Variants in GNPDA2 observed in about 807,000 individuals in gnomAD.
GNPDA2 encodes the protein glcN6P deaminase 2.
A neutral mutation model predicts 27.0 loss-of-function variants in GNPDA2; 24 were observed. That is an observed-to-expected ratio of 0.89 (90% CI 0.64 to 1.25). The LOEUF (loss-of-function observed/expected upper bound fraction) is 1.25, where lower values mean the gene tolerates loss of function less well. GNPDA2 is among the 50% of genes most tolerant of loss of function. GNPDA2 has a pLI of 0.00. For synonymous variants in GNPDA2, 94 were observed against 108.4 expected (o/e 0.87, Z 0.83); for missense variants, 286 against 335.1 (o/e 0.85, Z 1.14).
chr4:44,705,297 C>A, intron 6 of GNPDA2: 1 of 983,802 alleles, frequency 1.0e-6, no homozygotes. Flanking sequence ...TAAGAATATT[C>A]AATTTCTCTA....
At position 44,702,734 on chromosome 4, in the gene GNPDA2, A is replaced by C; in HGVS notation, c.*347T>G. 9.3e-7 allele frequency: 1 copy of C among 1,073,678 alleles called. No homozygotes were observed. Among genetic ancestry groups the C allele is most frequent in the Non-Finnish European group, 1.1e-6 (1 of 887,812 alleles). 66.5% of individuals were successfully genotyped at this position (1,073,678 alleles called of 1,614,324 possible). A position where few individuals can be genotyped will look rare whatever the true frequency, so the allele number is the denominator to read the frequency against. The stretch of plus-strand genomic sequence containing the variant: ...GGAGTGTCTTGTCATTAAAAAATGA[A>C]ATATACGCCACTGGAGTCATATCAC... On this transcript the variant is annotated 3_prime_UTR_variant, in exon 7 of 7. Transcript: ENST00000295448.
In GNPDA2 at chr4:44,703,001, A is replaced by G; in HGVS notation, c.*80T>C. The G allele has an allele frequency of 6.3e-7, 1 of 1,583,920 alleles. No individual in the cohort carries two copies. The highest frequency in any genetic ancestry group is 8.5e-7 in the Non-Finnish European group (1 of 1,171,384). ...TCTTCAAAATTCCCCATGTTTTGTC[A>G]TATTGCATAGCTGAAAATTCATCTA... On this transcript the variant is annotated 3_prime_UTR_variant, in exon 7 of 7. Coordinates refer to ENST00000295448, the MANE Select transcript of GNPDA2 (RefSeq NM_138335.3).
At chr4:44,705,001 G>C (rs1716499844) in intron 6 of GNPDA2, 10 of 979,544 alleles carry the variant, frequency 1.0e-5, no homozygotes, top group Non-Finnish European at 1.2e-5. Context: ...TCTTTCAAAA[G>C]GTATATACCG....
chr4:44,706,628 T>G (rs1031076487), intron 6 of GNPDA2: 22 of 151,886 alleles, frequency 1.4e-4, no homozygotes, highest in African/African-American at 5.3e-4. Context: ...TGCTATAAAT[T>G]GTAAGACACA....
intron 4 of GNPDA2, among the ~76,000 whole-genome samples, chr4:44,713,287 A>G (rs985502033): frequency 1.3e-5 from 2 of 152,154 alleles, no homozygotes; most frequent in Non-Finnish European, 2.9e-5. Flanking sequence ...CTGGATCTGA[A>G]TCTTGACCAG....
rs1438544937 is a variant in GNPDA2 at position 44,702,012 on chromosome 4, A to G, written c.*1069T>C. 1.0e-6 allele frequency: 1 copy of G among 985,348 alleles called. No individual in the cohort carries two copies. Among genetic ancestry groups the G allele is most frequent in the East Asian group, 1.1e-4 (1 of 8,784 alleles). 61.0% of individuals were successfully genotyped at this position (985,348 alleles called of 1,614,324 possible). The stretch of plus-strand genomic sequence containing the variant: ...CAAAAGGAGCATTTTTTTGCTCCCC[A>G]CAGAGGCAAAGACATCTTTTAACCT... On this transcript the variant is annotated 3_prime_UTR_variant, in exon 7 of 7. Coordinates refer to ENST00000295448, the MANE Select transcript of GNPDA2 (RefSeq NM_138335.3).
intron 6 of GNPDA2, chr4:44,703,515 A>G (rs944228708): frequency 6.0e-6 from 6 of 999,792 alleles, no homozygotes; most frequent in Admixed American, 6.0e-5. Context: ...CAGTTCCTCT[A>G]CTAGACTCCA....
At chr4:44,704,225 C>T in intron 6 of GNPDA2, 5 of 984,496 alleles carry the variant, frequency 5.1e-6, no homozygotes, top group Non-Finnish European at 6.0e-6. Flanking sequence ...AGTCCTGCAA[C>T]TGCTCAACAG....
chr4:44,725,006 T>C (rs1717923784), intron 1 of GNPDA2, among the ~76,000 whole-genome samples: 1 of 152,152 alleles, frequency 6.6e-6, no homozygotes, highest in Non-Finnish European at 1.5e-5. Flanking sequence ...AACAAGAATA[T>C]ATGGCCAGCT....
chr4:44,726,128 G>C (rs1268237119), intron 1 of GNPDA2, among the ~76,000 whole-genome samples: 2 of 152,184 alleles, frequency 1.3e-5, no homozygotes, highest in Admixed American at 1.3e-4. Flanking sequence ...CCCCTCAGCT[G>C]CGCGTTTGCC....
chr4:44,713,883 A>C (rs1717123669), intron 4 of GNPDA2, among the ~76,000 whole-genome samples: 1 of 152,224 alleles, frequency 6.6e-6, no homozygotes, highest in Admixed American at 6.5e-5. Context: ...CTGTCTCAAC[A>C]ACAACAAAAA....
chr4:44,709,582 G>A (rs1212590782), intron 5 of GNPDA2, among the ~76,000 whole-genome samples: 1 of 152,050 alleles, frequency 6.6e-6, no homozygotes, highest in Non-Finnish European at 1.5e-5. Flanking sequence ...CTACTTAAGT[G>A]TAGCAATAAC....
At chr4:44,725,124 G>A (rs1447964420) in intron 1 of GNPDA2, among the ~76,000 whole-genome samples, 2 of 121,830 alleles carry the variant, frequency 1.6e-5, no homozygotes, top group Non-Finnish European at 3.9e-5. Context: ...TTCAACACAC[G>A]TTTGAAGACC....
chr4:44,712,247 T>C (rs1372280267), intron 4 of GNPDA2, among the ~76,000 whole-genome samples: 1 of 152,154 alleles, frequency 6.6e-6, no homozygotes, highest in African/African-American at 2.4e-5. Context: ...CTTGAGTCAT[T>C]AAAATATCTT....
intron 2 of GNPDA2, 37 bp from the exon 3 acceptor site, chr4:44,718,447 TAATA>T (rs761404110): frequency 1.5e-6 from 1 of 676,628 alleles, no homozygotes; most frequent in South Asian, 2.8e-5. Flanking sequence ...TAAAATGACT[TAATA>T]ATCTATTAAA....
intron 6 of GNPDA2, chr4:44,703,798 T>C: frequency 1.0e-6 from 1 of 985,222 alleles, no homozygotes; most frequent in South Asian, 4.7e-5. Flanking sequence ...TGGAAGCTGC[T>C]TGGGAAATAG....
Position 44,703,157 on chromosome 4 carries a change from GCA to G in GNPDA2, c.770-17_770-16del. On this transcript the variant is annotated splice_polypyrimidine_tract_variant and intron_variant, in intron 6 of 6. Coordinates refer to ENST00000295448, the MANE Select transcript of GNPDA2 (RefSeq NM_138335.3). ...ATGCATTAGACCTTAAAGAAAAAAA[GCA>G]CAGTTCTAGTTGTTTTTATTAATTT... 1 of 1,603,614 alleles carries G rather than the reference GCA, an allele frequency of 6.2e-7. No individual in the cohort carries two copies. Among genetic ancestry groups the G allele is most frequent in the Non-Finnish European group, 8.5e-7 (1 of 1,176,826 alleles).
intron 1 of GNPDA2, among the ~76,000 whole-genome samples, chr4:44,723,021 C>T (rs993249003): frequency 5.9e-5 from 9 of 152,118 alleles, no homozygotes; most frequent in African/African-American, 1.7e-4. Context: ...AAATAAACTG[C>T]TCATCTCTGG....
At chr4:44,707,122 A>C (rs1482720795) in intron 6 of GNPDA2, 1 of 152,084 alleles carries the variant, frequency 6.6e-6, no homozygotes, top group Non-Finnish European at 1.5e-5. Context: ...TATATCAAGC[A>C]TATGTGTTTT....
Sources: allele counts gnomAD v4.1 joint callset (sites outside exome capture counted in the v4.1 genomes callset), GRCh38; gene constraint gnomAD v4.1.1; transcripts MANE v1.5; gene names NCBI Gene and HGNC (gene_info 2026-07-23, HGNC 2026-07-21).